Variants in PTK2 observed in about 807,000 individuals in gnomAD.
PTK2 encodes protein tyrosine kinase 2, also known as focal adhesion kinase 1.
In PTK2, 45 loss-of-function variants were observed where a neutral mutation model predicts 150.1. The ratio of observed to expected loss-of-function variants is 0.30; its 90% confidence interval spans 0.24 to 0.38. PTK2 has a LOEUF of 0.38. Among genes scored for constraint, PTK2 ranks in the 10% least tolerant of loss-of-function variants. The pLI is 1.00. For synonymous variants in PTK2, 432 were observed against 449.2 expected (o/e 0.96, Z 0.48); for missense variants, 919 against 1,307.3 (o/e 0.70, Z 4.58).
chr8:140,821,869 G>A (rs1267811968), intron 8 of PTK2: 1 of 152,174 alleles, frequency 6.6e-6, no homozygotes, highest in Non-Finnish European at 1.5e-5. Context: ...GGTTAGCAAG[G>A]CTTGACTATA....
chr8:140,803,005 CTTTTTTTTTTT>C (rs778981723), intron 11 of PTK2, among the ~76,000 whole-genome samples: 9 of 77,348 alleles, frequency 1.2e-4, no homozygotes, highest in African/African-American at 3.0e-4. Context: ...TGATGACAAT[CTTTTTTTTTTT>C]TTTTTTTTTT....
At chr8:140,872,561 G>T (rs1168653970) in intron 4 of PTK2, among the ~76,000 whole-genome samples, 1 of 152,214 alleles carries the variant, frequency 6.6e-6, no homozygotes. Flanking sequence ...AAGCGCTGGG[G>T]ACAGGCTGGG....
intron 1 of PTK2, among the ~76,000 whole-genome samples, chr8:140,941,401 G>A (rs904418716): frequency 1.3e-5 from 2 of 152,196 alleles, no homozygotes; most frequent in African/African-American, 4.8e-5. Flanking sequence ...AGTGTCTCAA[G>A]ACACAGAAGA....
rs1242109966 is a variant in PTK2 at position 140,669,423 on chromosome 8, C to A, written c.2710-999G>T. The stretch of plus-strand genomic sequence containing the variant: ...CAGTGCTCAGTCTAAATATAAGTTC[C>A]CATTTCTGAACCCTTGGGTGCTTTT... On this transcript the variant is annotated intron_variant, in intron 29 of 31. Coordinates refer to ENST00000522684, the Ensembl canonical transcript of PTK2. The A allele has an allele frequency of 1.7e-5, 5 of 298,342 alleles. No individual in the cohort carries two copies. In the East Asian group the frequency reaches 2.8e-4, roughly 17 times the overall value. The allele number at this position is 298,342 out of a possible 1,614,324, so 18.5% of individuals were successfully genotyped here. A position where few individuals can be genotyped will look rare whatever the true frequency, so the allele number is the denominator to read the frequency against.
chr8:140,965,495 T>C (rs2100184933), intron 1 of PTK2, among the ~76,000 whole-genome samples: 1 of 152,194 alleles, frequency 6.6e-6, no homozygotes, highest in South Asian at 2.1e-4. Context: ...GACATGACCC[T>C]ACCCCAAAGG....
intron 1 of PTK2, among the ~76,000 whole-genome samples, chr8:140,947,646 A>C (rs558750887): frequency 6.6e-6 from 1 of 152,080 alleles, no homozygotes; most frequent in African/African-American, 2.4e-5. Context: ...AAAGGTAAAT[A>C]AGAGGAAGGG....
intron 30 of PTK2, among the ~76,000 whole-genome samples, chr8:140,667,430 G>C (rs1454794533): frequency 6.6e-6 from 1 of 151,018 alleles, no homozygotes; most frequent in African/African-American, 2.4e-5. Context: ...GACTTTCCTT[G>C]GACCTAGTGT....
intron 1 of PTK2, among the ~76,000 whole-genome samples, chr8:140,975,529 C>A (rs1359869122): frequency 6.6e-6 from 1 of 152,120 alleles, no homozygotes; most frequent in Non-Finnish European, 1.5e-5. Flanking sequence ...GAGGTCACCA[C>A]ATCTAGTCCA....
chr8:140,820,624 T>C (rs571216843), intron 8 of PTK2: 1 of 151,582 alleles, frequency 6.6e-6, no homozygotes, highest in South Asian at 2.1e-4. Flanking sequence ...TCCAATGGAT[T>C]TACTTTAAAC....
chr8:140,906,699 G>A (rs1568597297), intron 2 of PTK2, among the ~76,000 whole-genome samples: 2 of 152,200 alleles, frequency 1.3e-5, no homozygotes, highest in East Asian at 3.9e-4. Context: ...AGTAGGTTAA[G>A]GGGTACAAAA....
chr8:140,675,254 G>A (rs1229227373), intron 28 of PTK2, among the ~76,000 whole-genome samples: 1 of 151,386 alleles, frequency 6.6e-6, no homozygotes, highest in Non-Finnish European at 1.5e-5. Flanking sequence ...CAACCCTAAG[G>A]AGGTATTTCT....
chr8:140,679,271 C>T (rs974896703), intron 27 of PTK2, among the ~76,000 whole-genome samples: 2 of 151,798 alleles, frequency 1.3e-5, no homozygotes, highest in Non-Finnish European at 2.9e-5. Context: ...GTGATCTGCT[C>T]GCCTCGGCCT....
At chr8:140,800,705 T>A (rs767479872) in intron 11 of PTK2, 129 bp from the exon 12 acceptor site, 64 of 679,416 alleles carry the variant, frequency 9.4e-5, no homozygotes, top group Non-Finnish European at 1.6e-4. Flanking sequence ...ACAAGATTTG[T>A]CATGAGATTT....
intron 5 of PTK2, among the ~76,000 whole-genome samples, chr8:140,855,754 T>C (rs1300042186): frequency 1.3e-5 from 2 of 152,076 alleles, no homozygotes; most frequent in East Asian, 3.9e-4. Context: ...GAAAGTAGAA[T>C]GGTGGTTGCC....
At chr8:140,761,293 A>C (rs1205391828) in intron 15 of PTK2, 31 bp from the exon 19 acceptor site, 1 of 1,471,504 alleles carries the variant, frequency 6.8e-7, no homozygotes, top group East Asian at 2.3e-5. Context: ...ATCAATACTT[A>C]AGTAAAATAT....
chr8:140,752,056 G>T, intron 17 of PTK2, 176 bp downstream of exon 20: 1 of 701,308 alleles, frequency 1.4e-6, no homozygotes, highest in East Asian at 2.6e-5. Flanking sequence ...TGGTTTACCT[G>T]GAAAAATCTG....
intron 14 of PTK2, among the ~76,000 whole-genome samples, chr8:140,776,119 T>G (rs1465646971): frequency 6.6e-6 from 1 of 152,226 alleles, no homozygotes; most frequent in African/African-American, 2.4e-5. Flanking sequence ...TTCTCGTGCC[T>G]AAGCCTCCCC....
chr8:140,848,050 G>A (rs2100126741), intron 5 of PTK2, among the ~76,000 whole-genome samples: 1 of 152,150 alleles, frequency 6.6e-6, no homozygotes, highest in Admixed American at 6.5e-5. Context: ...ATGAGCAGCT[G>A]GAGAAATCAT....
chr8:140,980,703 C>T (rs2100191082), intron 1 of PTK2, among the ~76,000 whole-genome samples: 1 of 151,552 alleles, frequency 6.6e-6, no homozygotes, highest in African/African-American at 2.4e-5. Context: ...CTTCAAGTCG[C>T]CTGCCTGGGA....
Sources: gnomAD v4.1 joint callset for allele counts (sites outside exome capture counted in the v4.1 genomes callset) on GRCh38, gnomAD v4.1.1 for gene constraint, MANE v1.5 for transcripts, NCBI Gene and HGNC (gene_info 2026-07-23, HGNC 2026-07-21) for gene names.